ADGRL2: variants seen among roughly 807,000 people sequenced by gnomAD.
ADGRL2 encodes the protein adhesion G protein-coupled receptor L2.
In ADGRL2, 44 loss-of-function variants were observed where a neutral mutation model predicts 157.4. The ratio of observed to expected loss-of-function variants is 0.28; its 90% CI spans 0.22 to 0.36. The LOEUF is 0.36. Ranked by LOEUF, ADGRL2 falls within the 10% of genes least tolerant of loss-of-function variation. The pLI is 1.00. For missense variants in ADGRL2, 1,510 were observed against 1,768.9 expected, an observed-to-expected ratio of 0.85 and a Z score of 2.63; for synonymous variants, 585 against 624.7, an observed-to-expected ratio of 0.94 and a Z score of 0.95.
chr1:81,787,102 G>A (rs1344825509), intron 2 of ADGRL2, among the ~76,000 whole-genome samples: 2 of 152,046 alleles, frequency 1.3e-5, no homozygotes, highest in Admixed American at 6.6e-5. Flanking sequence ...CCACCACCAT[G>A]TAAGAAGTGC....
chr1:81,403,361 C>T (rs1422769266), intron 1 of ADGRL2, among the ~76,000 whole-genome samples: 1 of 151,984 alleles, frequency 6.6e-6, no homozygotes, highest in Non-Finnish European at 1.5e-5. Flanking sequence ...TCCTCTCGGG[C>T]TCAAGAGATT....
At chr1:81,477,361 A>G (rs2078294182) in intron 2 of ADGRL2, among the ~76,000 whole-genome samples, 1 of 152,260 alleles carries the variant, frequency 6.6e-6, no homozygotes, top group South Asian at 2.1e-4. Flanking sequence ...GAAAACATGT[A>G]TAAATAAATA....
chr1:81,574,595 A>G (rs1171270888), intron 2 of ADGRL2, among the ~76,000 whole-genome samples: 1 of 152,078 alleles, frequency 6.6e-6, no homozygotes, highest in Non-Finnish European at 1.5e-5. Context: ...CTGAGTGCTT[A>G]TTTCATTCAT....
chr1:81,901,358 T>A (rs2094483220), intron 2 of ADGRL2, among the ~76,000 whole-genome samples: 1 of 152,164 alleles, frequency 6.6e-6, no homozygotes, highest in Non-Finnish European at 1.5e-5. Context: ...AGACATTCTT[T>A]GCACATCTTA....
chr1:81,979,162 G>A (rs1660980799), intron 17 of ADGRL2, among the ~76,000 whole-genome samples: 1 of 151,662 alleles, frequency 6.6e-6, no homozygotes, highest in African/African-American at 2.4e-5. Context: ...CTTCTTGTCA[G>A]ATTCCATCTT....
intron 2 of ADGRL2, among the ~76,000 whole-genome samples, chr1:81,772,360 G>A (rs1171095335): frequency 2.6e-5 from 4 of 151,740 alleles, no homozygotes; most frequent in African/African-American, 7.3e-5. Flanking sequence ...AGTTTAACCT[G>A]TAAACTAAAC....
chr1:81,306,156 G>A (rs1420492394), upstream of ADGRL2: 2 of 152,130 alleles, frequency 1.3e-5, no homozygotes, highest in African/African-American at 4.8e-5. Flanking sequence ...CTCCGATCTC[G>A]TGTCTGTTTC....
intron 1 of ADGRL2, among the ~76,000 whole-genome samples, chr1:81,421,607 T>C (rs3935909): frequency 0.47 from 71,326 of 151,996 alleles, 17,337 homozygotes; most frequent in Non-Finnish European, 0.54. Flanking sequence ...CTTGCCCACG[T>C]GAGTATTTGA....
chr1:81,525,539 A>G (rs1053400783), intron 2 of ADGRL2, among the ~76,000 whole-genome samples: 1 of 152,134 alleles, frequency 6.6e-6, no homozygotes, highest in Non-Finnish European at 1.5e-5. Context: ...GCTGGTCTTG[A>G]ACTCCTGACC....
intron 3 of ADGRL2, among the ~76,000 whole-genome samples, chr1:81,600,092 A>T (rs1424722067): frequency 6.6e-6 from 1 of 152,206 alleles, no homozygotes; most frequent in East Asian, 1.9e-4. Context: ...TGCTAACTTT[A>T]AGACAGTAAT....
At chr1:81,602,577 G>A (rs1019207956) in intron 3 of ADGRL2, among the ~76,000 whole-genome samples, 4 of 151,382 alleles carry the variant, frequency 2.6e-5, no homozygotes, top group African/African-American at 9.7e-5. Context: ...GGGCAACAGA[G>A]CAAGACTCAG....
chr1:81,374,070 TA>T (rs1044936100), intron 1 of ADGRL2, among the ~76,000 whole-genome samples: 1 of 107,236 alleles, frequency 9.3e-6, no homozygotes, highest in African/African-American at 2.6e-5. Flanking sequence ...CACCTTTAAA[TA>T]CACATACACA....
In ADGRL2 at chr1:81,990,899, T is replaced by A; in HGVS notation, c.4164T>A (p.Leu1388=). 1.9e-6 allele frequency: 3 copies of A among 1,614,040 alleles called. No homozygotes were observed. Among genetic ancestry groups the A allele is most frequent in the South Asian group, 2.2e-5 (2 of 91,078 alleles). The change falls in exon 24 of 24, where the codon CTT becomes CTA. Residue 1388 remains leucine, a synonymous_variant. Coordinates refer to ENST00000686636, the MANE Select transcript of ADGRL2 (RefSeq NM_001366006.2). ...CTCTTTATACAAGCATGCCCAATCT[T>A]AGAGACTCTCCCTATCCGGAGAGCA... ...RDSLYTSMPN[L]RDSPYPESSP... is the part of the protein sequence containing the mutation.
At chr1:81,787,487 T>C (rs904370351) in intron 2 of ADGRL2, among the ~76,000 whole-genome samples, 3 of 151,882 alleles carry the variant, frequency 2.0e-5, no homozygotes, top group South Asian at 2.1e-4. Flanking sequence ...AAACCCTATC[T>C]CTACCGAAAA....
intron 2 of ADGRL2, among the ~76,000 whole-genome samples, chr1:81,507,597 C>A (rs74095567): frequency 0.037 from 5,604 of 152,162 alleles, 359 homozygotes; most frequent in African/African-American, 0.13. Flanking sequence ...AGCAAGGGAG[C>A]GGCTGGTCAT....
At chr1:81,959,811 T>C (rs1300083728) in intron 11 of ADGRL2, among the ~76,000 whole-genome samples, 1 of 152,160 alleles carries the variant, frequency 6.6e-6, no homozygotes, top group East Asian at 1.9e-4. Context: ...GTTTTGTTTT[T>C]TTTTTTGAGA....
chr1:81,624,903 T>C (rs1331172363), intron 3 of ADGRL2, among the ~76,000 whole-genome samples: 1 of 152,228 alleles, frequency 6.6e-6, no homozygotes, highest in African/African-American at 2.4e-5. Context: ...TCTATTATTT[T>C]ACATCCATCA....
chr1:81,669,919 G>A (rs989572357), intron 3 of ADGRL2, among the ~76,000 whole-genome samples: 1 of 149,146 alleles, frequency 6.7e-6, no homozygotes, highest in Non-Finnish European at 1.5e-5. Flanking sequence ...CTCCAGCCTG[G>A]GTGACAGAGT....
At chr1:81,436,931 T>C (rs970100885) in intron 1 of ADGRL2, among the ~76,000 whole-genome samples, 22 of 152,264 alleles carry the variant, frequency 1.4e-4, no homozygotes, top group African/African-American at 5.3e-4. Context: ...TTTCCACACC[T>C]TACCCCTTTC....
Sources: allele counts gnomAD v4.1 joint callset (sites outside exome capture counted in the v4.1 genomes callset), GRCh38; gene constraint gnomAD v4.1.1; transcripts MANE v1.5; gene names NCBI Gene and HGNC (gene_info 2026-07-23, HGNC 2026-07-21).